HEMK2: variants seen among roughly 807,000 people sequenced by gnomAD.
HEMK2 encodes methyltransferase HEMK2.
the HEMK2 span, among the ~76,000 whole-genome samples, chr21:28,733,266 A>G: frequency 2.0e-4 from 31 of 152,292 alleles, no homozygotes; most frequent in African/African-American, 7.0e-4. Context: ...GCAACAGAGC[A>G]AGACTCCGTC....
the HEMK2 span, among the ~76,000 whole-genome samples, chr21:28,631,116 C>G: frequency 1.3e-5 from 2 of 152,086 alleles, no homozygotes; most frequent in African/African-American, 4.8e-5. Flanking sequence ...TATTCCAAAA[C>G]TGACATAGGG....
chr21:28,648,891 C>T, the HEMK2 span, among the ~76,000 whole-genome samples: 2 of 151,606 alleles, frequency 1.3e-5, no homozygotes, highest in African/African-American at 4.9e-5. Context: ...CCCAGTAACT[C>T]GTCATTTAAC....
the HEMK2 span, among the ~76,000 whole-genome samples, chr21:28,601,604 A>ATCTCTCTCTCTCTCTC: frequency 1.3e-3 from 161 of 126,750 alleles, 1 homozygote; most frequent in African/African-American, 4.5e-3. Context: ...ACCTTCTGAC[A>ATCTCTCTCTCTCTCTC]TCTCTCTCTC....
the HEMK2 span, among the ~76,000 whole-genome samples, chr21:28,840,238 C>G: frequency 5.3e-5 from 8 of 152,122 alleles, no homozygotes; most frequent in Non-Finnish European, 1.2e-4. Flanking sequence ...GTCCTTAAAC[C>G]TAAGACCTGA....
chr21:28,580,107 T>C, the HEMK2 span, among the ~76,000 whole-genome samples: 5 of 152,144 alleles, frequency 3.3e-5, no homozygotes, highest in Admixed American at 6.5e-5. Flanking sequence ...TTTCTGAATA[T>C]AGTTGATAGG....
chr21:28,757,605 T>C, the HEMK2 span, among the ~76,000 whole-genome samples: 2,492 of 152,352 alleles, frequency 0.016, 70 homozygotes, highest in African/African-American at 0.055. Context: ...GTTAAATCAC[T>C]GTTGTCTGCA....
chr21:28,806,994 C>G, the HEMK2 span, among the ~76,000 whole-genome samples: 1 of 152,184 alleles, frequency 6.6e-6, no homozygotes, highest in Non-Finnish European at 1.5e-5. Flanking sequence ...AAGGTACTTT[C>G]AGCTGGAAAA....
the HEMK2 span, among the ~76,000 whole-genome samples, chr21:28,840,610 A>G: frequency 6.6e-6 from 1 of 152,172 alleles, no homozygotes; most frequent in Admixed American, 6.5e-5. Context: ...AATGCTCAAC[A>G]TTAATGATCA....
the HEMK2 span, among the ~76,000 whole-genome samples, chr21:28,877,054 G>C: frequency 2.1e-5 from 1 of 47,388 alleles, no homozygotes; most frequent in Non-Finnish European, 4.2e-5. Flanking sequence ...GAGGGAGGGA[G>C]GGAGGGAAGG....
the HEMK2 span, among the ~76,000 whole-genome samples, chr21:28,877,791 T>C: frequency 6.6e-6 from 1 of 152,098 alleles, no homozygotes; most frequent in East Asian, 1.9e-4. Flanking sequence ...AAAACAAAGA[T>C]ATAAAAATCT....
chr21:28,803,915 G>C, the HEMK2 span, among the ~76,000 whole-genome samples: 1 of 152,200 alleles, frequency 6.6e-6, no homozygotes, highest in African/African-American at 2.4e-5. Flanking sequence ...CAAGAGAAGG[G>C]CAACGAGTTA....
the HEMK2 span, among the ~76,000 whole-genome samples, chr21:28,726,725 T>G: frequency 6.6e-6 from 1 of 152,050 alleles, no homozygotes. Context: ...CTGGCCAACA[T>G]GTCAAAACCC....
the HEMK2 span, among the ~76,000 whole-genome samples, chr21:28,702,024 G>A: frequency 3.9e-5 from 6 of 152,052 alleles, no homozygotes; most frequent in South Asian, 2.1e-4. Context: ...GAGAAATAAC[G>A]CAGCACACCT....
the HEMK2 span, among the ~76,000 whole-genome samples, chr21:28,777,820 T>A: frequency 6.6e-6 from 1 of 152,206 alleles, no homozygotes; most frequent in Non-Finnish European, 1.5e-5. Context: ...CATTTATTTA[T>A]TAAACAAAGT....
At chr21:28,864,673 TC>T in the HEMK2 span, among the ~76,000 whole-genome samples, 1 of 152,120 alleles carries the variant, frequency 6.6e-6, no homozygotes, top group South Asian at 2.1e-4. Flanking sequence ...CTTATCATCT[TC>T]CCCCTATTCC....
chr21:28,806,865 C>G, the HEMK2 span, among the ~76,000 whole-genome samples: 1 of 152,112 alleles, frequency 6.6e-6, no homozygotes, highest in Non-Finnish European at 1.5e-5. Flanking sequence ...GCCTTACTAA[C>G]CCCTTGATTT....
chr21:28,798,193 A>C, the HEMK2 span, among the ~76,000 whole-genome samples: 1 of 152,182 alleles, frequency 6.6e-6, no homozygotes, highest in Non-Finnish European at 1.5e-5. Context: ...GAGTATGTGA[A>C]GCTCAGCTTG....
the HEMK2 span, among the ~76,000 whole-genome samples, chr21:28,616,982 A>G: frequency 6.6e-6 from 1 of 152,258 alleles, no homozygotes; most frequent in African/African-American, 2.4e-5. Context: ...AAGTCTTGCT[A>G]TGATAGAGCT....
At chr21:28,656,789 T>C in the HEMK2 span, among the ~76,000 whole-genome samples, 1 of 152,094 alleles carries the variant, frequency 6.6e-6, no homozygotes, top group Admixed American at 6.6e-5. Context: ...AAAGGCAATA[T>C]AGTACAAGGA....
Sources: gnomAD v4.1 joint callset for allele counts (sites outside exome capture counted in the v4.1 genomes callset) on GRCh38, gnomAD v4.1.1 for gene constraint, MANE v1.5 for transcripts, NCBI Gene and HGNC (gene_info 2026-07-23, HGNC 2026-07-21) for gene names.